SEPTIN9: variants seen among roughly 807,000 people sequenced by gnomAD.
The protein encoded by SEPTIN9 is septin-9.
Under a neutral mutation model 56.6 loss-of-function variants are expected in SEPTIN9, and 13 were observed. The observed-to-expected ratio is 0.23, with a 90% CI of 0.15 to 0.37. The LOEUF (loss-of-function observed/expected upper bound fraction) is 0.37, where lower values mean the gene tolerates loss of function less well. Among genes scored for constraint, SEPTIN9 ranks in the 10% least tolerant of loss-of-function variants. The pLI, the probability that SEPTIN9 is intolerant of heterozygous loss-of-function variation, is 1.00. For missense variants in SEPTIN9, 650 were observed against 823.1 expected (o/e 0.79, Z 2.57); for synonymous variants, 332 against 334.1 (o/e 0.99, Z 0.07).
At chr17:77,401,632 G>A (rs975085715) in intron 2 of SEPTIN9, among the ~76,000 whole-genome samples, 2 of 151,984 alleles carry the variant, frequency 1.3e-5, no homozygotes, top group East Asian at 3.9e-4. Flanking sequence ...TATAATCCCA[G>A]CTACTGGGGA....
intron 2 of SEPTIN9, among the ~76,000 whole-genome samples, chr17:77,388,479 A>C (rs1005926705): frequency 6.6e-6 from 1 of 152,220 alleles, no homozygotes; most frequent in Non-Finnish European, 1.5e-5. Context: ...TAAACCAGGC[A>C]GATCCGTGTA....
chr17:77,497,267 A>C, intron 10 of SEPTIN9, 48 bp from the exon 11 acceptor site: 7 of 1,574,330 alleles, frequency 4.4e-6, no homozygotes, highest in Non-Finnish European at 6.1e-6. Flanking sequence ...GGGTCCGGGC[A>C]GAGTTTCTCC....
At chr17:77,404,913 G>C (rs1357415681) in intron 3 of SEPTIN9, among the ~76,000 whole-genome samples, 2 of 152,364 alleles carry the variant, frequency 1.3e-5, no homozygotes, top group East Asian at 3.9e-4. Flanking sequence ...TCAGGCCAAA[G>C]GCATGGGCAG....
At chr17:77,426,124 C>T (rs2036899974) in intron 3 of SEPTIN9, among the ~76,000 whole-genome samples, 1 of 152,100 alleles carries the variant, frequency 6.6e-6, no homozygotes, top group Non-Finnish European at 1.5e-5. Context: ...AAGCAGCACC[C>T]CGCCCCCCAC....
At chr17:77,448,653 G>T (rs1431307981) in intron 3 of SEPTIN9, among the ~76,000 whole-genome samples, 1 of 152,070 alleles carries the variant, frequency 6.6e-6, no homozygotes, top group Admixed American at 6.6e-5. Context: ...GGAAAGAAAA[G>T]AATATCAAAT....
In SEPTIN9 at chr17:77,456,849, A is replaced by G. The variant is rs2038226979; in HGVS notation, c.722-25295A>G. On this transcript the variant is annotated intron_variant, in intron 3 of 11. Coordinates refer to ENST00000427177, the MANE Select transcript of SEPTIN9 (RefSeq NM_001113491.2). This position sits in a 1 kb window ranked among gnomAD's most constrained non-coding sequence, Gnocchi z 6.0. Reference sequence around the variant, plus strand: ...AGGACAAGTCCCCACGGCCAATACCAGATCCCAGTGACCAGCACTAGATGT... The same window carrying G: ...AGGACAAGTCCCCACGGCCAATACCGGATCCCAGTGACCAGCACTAGATGT... 6.6e-6 allele frequency among the ~76,000 whole-genome samples: 1 copy of G among 151,822 alleles called. No homozygotes were observed. Among genetic ancestry groups the G allele is most frequent in the South Asian group, 2.1e-4 (1 of 4,814 alleles).
rs1714816559 is a variant in SEPTIN9 at position 77,433,613 on chromosome 17, C to T, written c.721+30910C>T. Among the ~76,000 whole-genome samples the T allele has an allele frequency of 6.6e-6, 1 of 151,758 alleles. No homozygotes were observed. Among genetic ancestry groups the T allele is most frequent in the African/African-American group, 2.4e-5 (1 of 41,282 alleles). On this transcript the variant is annotated intron_variant, in intron 3 of 11. Transcript: ENST00000427177. The surrounding 1 kb of genome is among the most constrained non-coding windows in gnomAD (Gnocchi z 6.4). ...ACTGTCCTGGCTTGCTTTCAATAGG[C>T]CAGAGGGGTGGGGCTGGAGCGGGCG...
intron 3 of SEPTIN9, chr17:77,454,098 C>A: frequency 1.0e-6 from 1 of 985,692 alleles, no homozygotes; most frequent in Non-Finnish European, 1.2e-6. Flanking sequence ...AGAGTAGGGT[C>A]AATGGCCAGG....
Position 77,488,884 on chromosome 17 carries a change from G to A in SEPTIN9, c.1262+20G>A. 6.2e-7 allele frequency: 1 copy of A among 1,612,176 alleles called. No homozygotes were observed. The stretch of plus-strand genomic sequence containing the variant: ...CCACTCGTACGTCCCTGCAGTGTCG[G>A]CGTCCTCATGCCGGGTGCCCTGGGT... On this transcript the variant is annotated intron_variant, in intron 7 of 11. Coordinates refer to ENST00000427177, the MANE Select transcript of SEPTIN9 (RefSeq NM_001113491.2).
chr17:77,491,850 C>T (rs1200733918), intron 8 of SEPTIN9, among the ~76,000 whole-genome samples: 2 of 150,560 alleles, frequency 1.3e-5, no homozygotes, highest in East Asian at 2.0e-4. Flanking sequence ...ATGGTCTCTG[C>T]CACCTTCTTC....
chr17:77,292,586 C>T (rs1033204740), intron 1 of SEPTIN9, among the ~76,000 whole-genome samples: 3 of 152,084 alleles, frequency 2.0e-5, no homozygotes, highest in East Asian at 1.9e-4. Context: ...CTCCGCCTCC[C>T]GGGTTCAACC....
chr17:77,314,364 T>G (rs2032621121), intron 2 of SEPTIN9, among the ~76,000 whole-genome samples: 4 of 93,096 alleles, frequency 4.3e-5, no homozygotes, highest in African/African-American at 7.9e-5. Flanking sequence ...TTTTTTTTTT[T>G]GTAGAGATGG....
At chr17:77,351,158 C>T (rs1202014066) in intron 2 of SEPTIN9, among the ~76,000 whole-genome samples, 8 of 151,858 alleles carry the variant, frequency 5.3e-5, no homozygotes, top group Non-Finnish European at 8.8e-5. Context: ...AAAGAATTTC[C>T]GTGAGCCTCT....
At position 77,498,715 on chromosome 17, in the gene SEPTIN9, G is replaced by A; in HGVS notation, c.*57G>A. The stretch of plus-strand genomic sequence containing the variant: ...CCCAAGTCATTTCCGTCCCCCCCCA[G>A]GCCCTCCCACCACCCCATTTTATTT... On this transcript the variant is annotated 3_prime_UTR_variant, in exon 12 of 12. Coordinates refer to ENST00000427177, the MANE Select transcript of SEPTIN9 (RefSeq NM_001113491.2). The A allele has an allele frequency of 4.7e-6, 2 of 429,076 alleles. No homozygotes were observed. The highest frequency in any genetic ancestry group is 3.0e-5 in the South Asian group (1 of 33,102). The allele number at this position is 429,076 out of a possible 1,614,324, so 26.6% of individuals were successfully genotyped here.
intron 2 of SEPTIN9, among the ~76,000 whole-genome samples, chr17:77,333,268 A>G (rs2033429714): frequency 6.6e-6 from 1 of 152,134 alleles, no homozygotes; most frequent in Non-Finnish European, 1.5e-5. Flanking sequence ...TTCCTTTGTG[A>G]AATGTCTTTT....
At position 77,320,360 on chromosome 17, in the gene SEPTIN9, G is replaced by A. The variant is rs764261529; in HGVS notation, c.76+13163G>A. ...GGACCGGATCTCAGGTACGCAGACA[G>A]CCCCCTCCCCATCGGCCGCCCCCCA... On this transcript the variant is annotated intron_variant, in intron 2 of 11. Coordinates refer to ENST00000427177, the MANE Select transcript of SEPTIN9 (RefSeq NM_001113491.2). 2.0e-5 allele frequency: 32 copies of A among 1,610,346 alleles called. No homozygotes were observed. Among genetic ancestry groups the A allele is most frequent in the Non-Finnish European group, 2.5e-5 (30 of 1,177,328 alleles).
intron 2 of SEPTIN9, among the ~76,000 whole-genome samples, chr17:77,337,192 A>G (rs1163428587): frequency 6.6e-6 from 1 of 151,894 alleles, no homozygotes; most frequent in Non-Finnish European, 1.5e-5. Context: ...AATTTTTTGT[A>G]CAGATGGGGT....
intron 4 of SEPTIN9, 132 bp downstream of exon 4, chr17:77,482,467 T>TA (rs777883131): frequency 1.4e-5 from 13 of 930,168 alleles, no homozygotes; most frequent in South Asian, 1.2e-4. Context: ...CAAGGACGGA[T>TA]TGCCAGTGAC....
At chr17:77,479,209 G>C (rs1448759141) in intron 3 of SEPTIN9, among the ~76,000 whole-genome samples, 1 of 152,256 alleles carries the variant, frequency 6.6e-6, no homozygotes, top group African/African-American at 2.4e-5. Context: ...ACCACGCTGA[G>C]CAGCGCAGGC....
Sources: gnomAD v4.1 joint callset for allele counts (sites outside exome capture counted in the v4.1 genomes callset) on GRCh38, gnomAD v4.1.1 for gene constraint, Gnocchi (gnomAD v3.1) non-coding constraint, MANE v1.5 for transcripts, NCBI Gene and HGNC (gene_info 2026-07-23, HGNC 2026-07-21) for gene names.